Variants in DSCAM observed in about 807,000 individuals in gnomAD.
DSCAM encodes DS cell adhesion molecule, also known as cell adhesion molecule DSCAM.
A neutral mutation model predicts 217.7 loss-of-function variants in DSCAM; 47 were observed. The ratio of observed to expected loss-of-function variants is 0.22; its 90% CI spans 0.17 to 0.28. The LOEUF (loss-of-function observed/expected upper bound fraction) is 0.28. Among genes scored for constraint, DSCAM ranks in the 10% least tolerant of loss-of-function variants. The pLI, the probability that DSCAM is intolerant of heterozygous loss-of-function variation, is 1.00. For missense variants in DSCAM, 2,080 were observed against 2,618.3 expected, an observed-to-expected ratio of 0.79 and a Z score of 4.49; for synonymous variants, 1,056 against 1,015.3, an observed-to-expected ratio of 1.04 and a Z score of -0.76.
At chr21:40,826,286 G>A (rs370970214) in intron 1 of DSCAM, among the ~76,000 whole-genome samples, 6 of 152,152 alleles carry the variant, frequency 3.9e-5, no homozygotes, top group African/African-American at 1.2e-4. Flanking sequence ...GGCAGAACAC[G>A]CGGCCAGTGC....
chr21:40,137,734 A>G (rs1436474922), intron 18 of DSCAM, among the ~76,000 whole-genome samples: 3 of 152,110 alleles, frequency 2.0e-5, no homozygotes, highest in Non-Finnish European at 4.4e-5. Flanking sequence ...GATTTTTTCT[A>G]TTAAAAATTT....
At chr21:40,841,566 G>A (rs1223555517) in intron 1 of DSCAM, among the ~76,000 whole-genome samples, 4 of 152,164 alleles carry the variant, frequency 2.6e-5, no homozygotes, top group Non-Finnish European at 4.4e-5. Flanking sequence ...TGGGCCTGGG[G>A]GAGAGGGAAG....
intron 3 of DSCAM, among the ~76,000 whole-genome samples, chr21:40,475,596 G>A (rs939688178): frequency 2.6e-5 from 4 of 152,196 alleles, no homozygotes; most frequent in Non-Finnish European, 4.4e-5. Context: ...ACTTTGGGAG[G>A]CCGAGGCAGG....
At chr21:40,065,081 C>G (rs572083264) in intron 27 of DSCAM, among the ~76,000 whole-genome samples, 38 of 152,080 alleles carry the variant, frequency 2.5e-4, no homozygotes, top group Non-Finnish European at 5.1e-4. Context: ...TAGAGGAAAT[C>G]TGTACGAATC....
intron 3 of DSCAM, among the ~76,000 whole-genome samples, chr21:40,431,591 TA>T (rs1169327310): frequency 2.6e-5 from 4 of 152,366 alleles, no homozygotes; most frequent in East Asian, 1.9e-4. Flanking sequence ...ATAGTAAGCA[TA>T]TTTTTTTATT....
intron 3 of DSCAM, among the ~76,000 whole-genome samples, chr21:40,389,724 G>A (rs1346299038): frequency 2.0e-5 from 3 of 152,158 alleles, no homozygotes; most frequent in Non-Finnish European, 2.9e-5. Flanking sequence ...GAATGGACAA[G>A]TACTCTCGAG....
intron 3 of DSCAM, among the ~76,000 whole-genome samples, chr21:40,411,178 AC>A (rs2075320213): frequency 8.1e-5 from 1 of 12,418 alleles, no homozygotes; most frequent in South Asian, 2.9e-3. Context: ...AATTATATAC[AC>A]ACACACACAC....
chr21:40,309,868 C>G (rs2074118941), intron 9 of DSCAM, among the ~76,000 whole-genome samples: 1 of 152,172 alleles, frequency 6.6e-6, no homozygotes, highest in South Asian at 2.1e-4. Flanking sequence ...CTAGCCCAGT[C>G]CATTCTTCAG....
chr21:40,688,350 G>A (rs989888503), intron 3 of DSCAM, among the ~76,000 whole-genome samples: 1 of 152,110 alleles, frequency 6.6e-6, no homozygotes, highest in African/African-American at 2.4e-5. Flanking sequence ...TTCACAACAG[G>A]CTTGTGAAGG....
chr21:40,780,411 GTGTGTGTGTGTGTATATA>G lies in DSCAM; in HGVS notation c.43+66190_43+66207del, dbSNP rs1423384789. Among the ~76,000 whole-genome samples, 35 of 88,532 alleles carry G rather than the reference GTGTGTGTGTGTGTATATA, an allele frequency of 4.0e-4. 1 individual carries two copies. Among genetic ancestry groups the G allele is most frequent in the Admixed American group, 5.5e-4 (4 of 7,294 alleles). The allele number at this position is 88,532 out of a possible 152,430, so 58.1% of individuals were successfully genotyped here. A position where few individuals can be genotyped will look rare whatever the true frequency, so the allele number is the denominator to read the frequency against. On this transcript the variant is annotated intron_variant, in intron 1 of 32. Coordinates refer to ENST00000400454, the MANE Select transcript of DSCAM (RefSeq NM_001389.5). ...TCCAAATATAAACGTGTGTGTGTGT[GTGTGTGTGTGTGTATATA>G]TATATATATATATATATATCTCCTG...
At chr21:40,552,485 G>C (rs2076638547) in intron 3 of DSCAM, among the ~76,000 whole-genome samples, 1 of 152,170 alleles carries the variant, frequency 6.6e-6, no homozygotes, top group South Asian at 2.1e-4. Flanking sequence ...AGGAAGATCT[G>C]TATATCTCCC....
chr21:40,467,328 G>A (rs1043680706), intron 3 of DSCAM, among the ~76,000 whole-genome samples: 18 of 151,996 alleles, frequency 1.2e-4, no homozygotes, highest in Admixed American at 7.9e-4. Flanking sequence ...ACACACACAC[G>A]CACACAAAGA....
At chr21:40,432,687 G>T (rs151221575) in intron 3 of DSCAM, among the ~76,000 whole-genome samples, 1 of 152,292 alleles carries the variant, frequency 6.6e-6, no homozygotes, top group African/African-American at 2.4e-5. Context: ...GAAGCCAGAA[G>T]ATGAGCTATG....
intron 32 of DSCAM, among the ~76,000 whole-genome samples, chr21:40,013,912 A>G (rs2088109332): frequency 1.3e-5 from 2 of 152,214 alleles, no homozygotes; most frequent in Admixed American, 1.3e-4. Flanking sequence ...TGAAAGCGCC[A>G]CAGCTTATGG....
intron 1 of DSCAM, among the ~76,000 whole-genome samples, chr21:40,746,859 A>G (rs1221701067): frequency 6.6e-6 from 1 of 151,972 alleles, no homozygotes; most frequent in Non-Finnish European, 1.5e-5. Flanking sequence ...TCAAAATCAT[A>G]TGTGTCTTTT....
intron 3 of DSCAM, among the ~76,000 whole-genome samples, chr21:40,396,394 A>G (rs889304054): frequency 3.3e-5 from 5 of 152,186 alleles, no homozygotes; most frequent in Admixed American, 1.3e-4. Flanking sequence ...GGGCTCGTTA[A>G]TATCTACTGT....
chr21:40,199,524 T>C (rs2091049047), intron 11 of DSCAM, among the ~76,000 whole-genome samples: 2 of 152,184 alleles, frequency 1.3e-5, no homozygotes, highest in Admixed American at 1.3e-4. Context: ...AGTAATGGGA[T>C]TGCTGGGTCA....
intron 1 of DSCAM, among the ~76,000 whole-genome samples, chr21:40,793,476 G>T (rs902032656): frequency 6.6e-6 from 1 of 152,074 alleles, no homozygotes; most frequent in Non-Finnish European, 1.5e-5. Context: ...ATATGAAATT[G>T]TTCTGGTGTT....
At chr21:40,610,132 A>G (rs2089293690) in intron 3 of DSCAM, among the ~76,000 whole-genome samples, 2 of 152,238 alleles carry the variant, frequency 1.3e-5, no homozygotes, top group Non-Finnish European at 2.9e-5. Context: ...GAGAAACAGC[A>G]TATTTAAATC....
Sources: gnomAD v4.1 joint callset for allele counts (sites outside exome capture counted in the v4.1 genomes callset) on GRCh38, gnomAD v4.1.1 for gene constraint, MANE v1.5 for transcripts, NCBI Gene and HGNC (gene_info 2026-07-23, HGNC 2026-07-21) for gene names.